Variants in MYOZ2 observed in about 807,000 individuals in gnomAD.
The protein encoded by MYOZ2 is myozenin 2, also known as myozenin-2.
In MYOZ2, 19 loss-of-function variants were observed where a neutral mutation model predicts 25.4. The ratio of observed to expected loss-of-function variants is 0.75; its 90% CI spans 0.52 to 1.10. The LOEUF is 1.10. MYOZ2 is among the 50% of genes least tolerant of loss of function. The pLI, the probability that MYOZ2 is intolerant of heterozygous loss-of-function variation, is 0.00. For missense variants in MYOZ2, 270 were observed against 317.9 expected, an observed-to-expected ratio of 0.85 and a Z score of 1.15; for synonymous variants, 92 against 106.9, an observed-to-expected ratio of 0.86 and a Z score of 0.86.
chr4:119,150,826 A>G (rs1237647152), intron 2 of MYOZ2, 46 bp from the exon 3 acceptor site: 1 of 1,565,638 alleles, frequency 6.4e-7, no homozygotes, highest in Admixed American at 1.7e-5. Flanking sequence ...AAAGCATTAA[A>G]AATGCTTACC....
At chr4:119,167,999 G>A (rs1318625111) in intron 5 of MYOZ2, among the ~76,000 whole-genome samples, 1 of 151,690 alleles carries the variant, frequency 6.6e-6, no homozygotes, top group Non-Finnish European at 1.5e-5. Context: ...TTGAGACGGA[G>A]TCTCGCTCTG....
At chr4:119,168,041 C>T (rs989872938) in intron 5 of MYOZ2, among the ~76,000 whole-genome samples, 19 of 152,052 alleles carry the variant, frequency 1.2e-4, no homozygotes, top group East Asian at 3.9e-4. Flanking sequence ...GGTGTGATCT[C>T]GGCTCACTGC....
chr4:119,182,349 A>G (rs1742200144), intron 5 of MYOZ2, among the ~76,000 whole-genome samples: 1 of 152,130 alleles, frequency 6.6e-6, no homozygotes, highest in East Asian at 1.9e-4. Context: ...AGGCCTTTCT[A>G]GTGAATTAAG....
chr4:119,165,029 A>G, intron 5 of MYOZ2, among the ~76,000 whole-genome samples: 1 of 151,096 alleles, frequency 6.6e-6, no homozygotes, highest in South Asian at 2.1e-4. Context: ...CCATTATTTG[A>G]TCACTTGACC....
Position 119,151,250 on chromosome 4 carries a change from C to G in MYOZ2, c.246+209C>G, listed in dbSNP as rs79836168. 7.4e-3 allele frequency among the ~76,000 whole-genome samples: 1,129 copies of G among 152,022 alleles called. 15 individuals carry two copies. Among genetic ancestry groups the G allele is most frequent in the African/African-American group, 0.026 (1,081 of 41,458 alleles). On this transcript the variant is annotated intron_variant, in intron 3 of 5. Transcript: ENST00000307128. Reference sequence around the variant, plus strand: ...GAGTATGCTTTTAGTTCAATAGGGACATTGTAAGCTTGTAGATTTGGCACT... The same window carrying G: ...GAGTATGCTTTTAGTTCAATAGGGAGATTGTAAGCTTGTAGATTTGGCACT...
At chr4:119,154,846 AATGTT>A (rs1341447900) in intron 3 of MYOZ2, among the ~76,000 whole-genome samples, 8 of 132,828 alleles carry the variant, frequency 6.0e-5, no homozygotes, top group African/African-American at 2.3e-4. Flanking sequence ...AAAATGCAAA[AATGTT>A]ATATTACACA....
intron 5 of MYOZ2, among the ~76,000 whole-genome samples, chr4:119,178,737 G>A (rs1742129871): frequency 1.3e-5 from 2 of 152,114 alleles, no homozygotes; most frequent in Non-Finnish European, 2.9e-5. Context: ...CTCCCGAGTA[G>A]GTGGGACTAC....
At chr4:119,154,873 A>ACG (rs1220792494) in intron 3 of MYOZ2, among the ~76,000 whole-genome samples, 1 of 76,820 alleles carries the variant, frequency 1.3e-5, no homozygotes, top group Non-Finnish European at 2.5e-5. Flanking sequence ...ACACACACGC[A>ACG]CACACACACA....
At chr4:119,139,472 C>T (rs1271051299) in intron 2 of MYOZ2, among the ~76,000 whole-genome samples, 1 of 152,150 alleles carries the variant, frequency 6.6e-6, no homozygotes, top group African/African-American at 2.4e-5. Context: ...GTGCAATTTA[C>T]CCCTAAATCT....
chr4:119,151,772 G>A (rs967760195), intron 3 of MYOZ2, among the ~76,000 whole-genome samples: 2 of 151,994 alleles, frequency 1.3e-5, no homozygotes, highest in East Asian at 1.9e-4. Flanking sequence ...TAGTGCATTC[G>A]TCCTAAATTT....
chr4:119,182,958 A>G (rs11098493), intron 5 of MYOZ2, among the ~76,000 whole-genome samples: 60,127 of 152,104 alleles, frequency 0.4, 13,514 homozygotes, highest in East Asian at 0.52. Flanking sequence ...GTAGCAGACT[A>G]TACATATTTA....
rs2149217641 is a variant in MYOZ2, at chr4:119,135,993, T to C, written c.-15+11T>C. ...CAATCTAACAGCAAGGTGAGTATGT[T>C]GTTTCCTAAAATGTTTCATTAGTCA... On this transcript the variant is annotated intron_variant, in intron 1 of 5. Coordinates refer to ENST00000307128, the MANE Select transcript of MYOZ2 (RefSeq NM_016599.5). 6.1e-6 allele frequency: 1 copy of C among 164,058 alleles called. No homozygotes were observed. Among genetic ancestry groups the C allele is most frequent in the East Asian group, 1.8e-4 (1 of 5,700 alleles). 10.2% of individuals were successfully genotyped at this position (164,058 alleles called of 1,614,324 possible). A position where few individuals can be genotyped will look rare whatever the true frequency, so the allele number is the denominator to read the frequency against.
At chr4:119,147,702 T>A (rs1741334088) in intron 2 of MYOZ2, among the ~76,000 whole-genome samples, 1 of 146,826 alleles carries the variant, frequency 6.8e-6, no homozygotes, top group South Asian at 2.1e-4. Context: ...CAAGATCGGG[T>A]CACTGCACTC....
intron 4 of MYOZ2, among the ~76,000 whole-genome samples, chr4:119,159,842 T>A (rs1278189686): frequency 2.0e-5 from 3 of 152,150 alleles, no homozygotes; most frequent in African/African-American, 4.8e-5. Flanking sequence ...GTGGATAGAC[T>A]TAGCAAAATA....
chr4:119,137,018 C>CT (rs1389600623), intron 2 of MYOZ2, among the ~76,000 whole-genome samples: 7 of 152,006 alleles, frequency 4.6e-5, no homozygotes, highest in Non-Finnish European at 8.8e-5. Flanking sequence ...GTTCTATCAT[C>CT]TTTTTTATCA....
chr4:119,138,897 T>G lies in MYOZ2; in HGVS notation c.76+2296T>G, dbSNP rs1286748178. On this transcript the variant is annotated intron_variant, in intron 2 of 5. Coordinates refer to ENST00000307128, the MANE Select transcript of MYOZ2 (RefSeq NM_016599.5). ...AAAGAGATTGCAGCCGGTGAGTCTT[T>G]GAGATAAATCACTAGAAAAATATAA... Among the ~76,000 whole-genome samples the G allele has an allele frequency of 2.0e-5, 3 of 152,252 alleles. 1 individual carries two copies. The highest frequency in any genetic ancestry group is 4.1e-4 in the South Asian group (2 of 4,826).
chr4:119,170,486 T>C (rs928390056), intron 5 of MYOZ2, among the ~76,000 whole-genome samples: 2 of 152,160 alleles, frequency 1.3e-5, no homozygotes, highest in Non-Finnish European at 2.9e-5. Context: ...ATTCATTTCA[T>C]AGACATTATG....
intron 3 of MYOZ2, among the ~76,000 whole-genome samples, chr4:119,156,120 G>A (rs1050744190): frequency 5.9e-5 from 9 of 151,968 alleles, no homozygotes; most frequent in African/African-American, 1.4e-4. Context: ...ATACGGGAGC[G>A]GCGAGAAGAA....
chr4:119,182,675 C>T (rs753289259), intron 5 of MYOZ2, among the ~76,000 whole-genome samples: 1 of 152,136 alleles, frequency 6.6e-6, no homozygotes, highest in African/African-American at 2.4e-5. Context: ...AGAGGGTTTG[C>T]ACTCCTATGA....
Sources: allele counts gnomAD v4.1 joint callset (sites outside exome capture counted in the v4.1 genomes callset), GRCh38; gene constraint gnomAD v4.1.1; transcripts MANE v1.5; gene names NCBI Gene and HGNC (gene_info 2026-07-23, HGNC 2026-07-21).